The following GSTA4 variants were observed in gnomAD, a reference collection of about 807,000 sequenced individuals.
GSTA4 encodes the protein glutathione S-transferase A4.
A neutral mutation model predicts 24.4 loss-of-function variants in GSTA4; 15 were observed. That is an observed-to-expected ratio of 0.61 (90% CI 0.41 to 0.95). GSTA4 has a LOEUF of 0.95. Among genes scored for constraint, GSTA4 ranks in the 40% least tolerant of loss-of-function variants. The probability of loss-of-function intolerance (pLI) is 0.00; values close to 1 mark genes in which losing one functional copy is unlikely to be tolerated. For synonymous variants in GSTA4, 92 were observed against 94.2 expected, an observed-to-expected ratio of 0.98 and a Z score of 0.13; for missense variants, 244 against 262.1, an observed-to-expected ratio of 0.93 and a Z score of 0.48.
intron 2 of GSTA4, among the ~76,000 whole-genome samples, chr6:52,991,647 G>A (rs1322814875): frequency 2.0e-5 from 3 of 151,870 alleles, no homozygotes; most frequent in Admixed American, 6.6e-5. Flanking sequence ...TGGAGGGTAA[G>A]TAAACCAAAT....
At chr6:52,993,978 A>G (rs1179720843) in intron 2 of GSTA4, 179 bp downstream of exon 2, 1 of 691,664 alleles carries the variant, frequency 1.4e-6, no homozygotes, top group Admixed American at 2.0e-5. Context: ...ATAGAATTCC[A>G]TCAACTACGT....
chr6:52,979,231 GC>G (rs1763403755), intron 6 of GSTA4, among the ~76,000 whole-genome samples: 1 of 152,162 alleles, frequency 6.6e-6, no homozygotes, highest in South Asian at 2.1e-4. Flanking sequence ...TGATCAATTA[GC>G]TGTAAACACC....
chr6:52,991,557 T>C (rs1763661511), intron 2 of GSTA4, among the ~76,000 whole-genome samples: 1 of 152,194 alleles, frequency 6.6e-6, no homozygotes, highest in South Asian at 2.1e-4. Flanking sequence ...CAGCTAGTAA[T>C]TTATGGGAAG....
Position 52,995,160 on chromosome 6 carries a change from G to A in GSTA4, c.-19+89C>T, listed in dbSNP as rs1248756788. 2.0e-5 allele frequency: 3 copies of A among 152,992 alleles called. No homozygotes were observed. The East Asian group carries it at 5.8e-4, about 29-fold the overall frequency. The allele number at this position is 152,992 out of a possible 1,614,324, so 9.5% of individuals were successfully genotyped here. Reference sequence around the variant, plus strand: ...TGAACTGGGGGAGTGAGGGAAGAATGCGAGAGTGAGACTCAGAGAGTAAAG... The same window carrying A: ...TGAACTGGGGGAGTGAGGGAAGAATACGAGAGTGAGACTCAGAGAGTAAAG... On this transcript the variant is annotated intron_variant, in intron 1 of 6. Transcript: ENST00000370963.
chr6:52,983,186 G>C (rs979088277), intron 5 of GSTA4, among the ~76,000 whole-genome samples: 1 of 152,174 alleles, frequency 6.6e-6, no homozygotes, highest in African/African-American at 2.4e-5. Flanking sequence ...ACATCAAGAG[G>C]TGTAGTCATA....
intron 2 of GSTA4, 116 bp downstream of exon 2, chr6:52,994,041 T>A (rs779581788): frequency 2.6e-6 from 2 of 763,556 alleles, no homozygotes; most frequent in Non-Finnish European, 2.4e-6. Flanking sequence ...CAGTGAAGCG[T>A]GCCTGTGATT....
chr6:52,983,791 A>G (rs1383940607), intron 5 of GSTA4, among the ~76,000 whole-genome samples: 3 of 152,168 alleles, frequency 2.0e-5, no homozygotes, highest in African/African-American at 7.2e-5. Context: ...AAGATACCAT[A>G]AAACCTAGCT....
chr6:52,984,449 A>G lies in GSTA4; in HGVS notation c.414+15T>C. 1.2e-6 allele frequency: 2 copies of G among 1,608,968 alleles called. No individual in the cohort carries two copies. Among genetic ancestry groups the G allele is most frequent in the African/African-American group, 1.3e-5 (1 of 74,776 alleles). ...GTTTGGTTGCTCTGTGTATGTAGGC[A>G]TCTCTGCCACCTACCTTTTCAAACA... On this transcript the variant is annotated intron_variant, in intron 5 of 6. Coordinates refer to ENST00000370963, the MANE Select transcript of GSTA4 (RefSeq NM_001512.4).
intron 5 of GSTA4, among the ~76,000 whole-genome samples, chr6:52,984,119 T>C (rs1440136815): frequency 2.6e-5 from 4 of 152,228 alleles, no homozygotes; most frequent in Non-Finnish European, 5.9e-5. Flanking sequence ...ACAACTTTTG[T>C]TGAATGAATG....
intron 2 of GSTA4, among the ~76,000 whole-genome samples, chr6:52,988,247 CA>C (rs1763599770): frequency 6.6e-6 from 1 of 150,782 alleles, no homozygotes; most frequent in Non-Finnish European, 1.5e-5. Context: ...TTATAACACC[CA>C]ACAATAAAAT....
chr6:52,989,394 G>A (rs973281270), intron 2 of GSTA4, among the ~76,000 whole-genome samples: 3 of 152,172 alleles, frequency 2.0e-5, no homozygotes, highest in African/African-American at 7.2e-5. Context: ...CCCTCGGTTG[G>A]GGTCTGGATC....
intron 2 of GSTA4, among the ~76,000 whole-genome samples, chr6:52,993,565 T>C (rs961941201): frequency 6.6e-6 from 1 of 152,232 alleles, no homozygotes; most frequent in Admixed American, 6.5e-5. Context: ...TGAAATGTTA[T>C]GATGTTTGGA....
chr6:52,991,723 G>A (rs1248358928), intron 2 of GSTA4, among the ~76,000 whole-genome samples: 2 of 150,436 alleles, frequency 1.3e-5, no homozygotes, highest in Non-Finnish European at 3.0e-5. Context: ...AACAAACGTA[G>A]ACATCTAGCA....
intron 6 of GSTA4, among the ~76,000 whole-genome samples, chr6:52,981,731 C>T (rs977793155): frequency 6.6e-6 from 1 of 152,174 alleles, no homozygotes; most frequent in African/African-American, 2.4e-5. Context: ...CTAGATAAAA[C>T]TCAAGCATCC....
At chr6:52,982,780 A>G (rs1763476933) in intron 5 of GSTA4, 75 bp from the exon 6 acceptor site, 1 of 1,131,648 alleles carries the variant, frequency 8.8e-7, no homozygotes, top group Non-Finnish European at 1.3e-6. Context: ...TCAGTGCAGT[A>G]TCTGAGAAGA....
chr6:52,985,547 T>G lies in GSTA4; in HGVS notation c.176A>C (p.Glu59Ala). 6.2e-7 allele frequency: 1 copy of G among 1,614,068 alleles called. No individual in the cohort carries two copies. Among genetic ancestry groups the G allele is most frequent in the Non-Finnish European group, 8.5e-7 (1 of 1,179,900 alleles). Reference protein sequence around the residue: ...HLLFQQVPMVEIDGMKLVQTR... With the variant: ...HLLFQQVPMVAIDGMKLVQTR... The stretch of plus-strand genomic sequence containing the variant: ...CTGTACCAACTTCATCCCGTCAATT[T>G]CAACCATGGGCACTTGTTGGAACAG... The change falls in exon 4 of 7, where the codon GAA (glutamate) becomes GCA (alanine). Residue 59 changes from glutamate to alanine, a missense_variant. Glu to Ala is a moderately radical substitution (Grantham distance 107). Transcript: ENST00000370963.
chr6:52,983,570 C>T (rs1023434589), intron 5 of GSTA4, among the ~76,000 whole-genome samples: 3 of 152,228 alleles, frequency 2.0e-5, no homozygotes, highest in African/African-American at 7.2e-5. Flanking sequence ...TTGGACAGGT[C>T]ACTGAATCTC....
chr6:52,989,648 G>T (rs1763628513), intron 2 of GSTA4, among the ~76,000 whole-genome samples: 1 of 152,102 alleles, frequency 6.6e-6, no homozygotes, highest in African/African-American at 2.4e-5. Context: ...GCTCCCAGAG[G>T]ATCTCCATCT....
chr6:52,982,529 G>C, intron 6 of GSTA4, 45 bp downstream of exon 6: 2 of 1,486,258 alleles, frequency 1.3e-6, no homozygotes, highest in Non-Finnish European at 1.9e-6. Context: ...CTGAAGGAAG[G>C]CCCAAGAGTT....
Sources: allele counts gnomAD v4.1 joint callset (sites outside exome capture counted in the v4.1 genomes callset), GRCh38; gene constraint gnomAD v4.1.1; transcripts MANE v1.5; gene names NCBI Gene and HGNC (gene_info 2026-07-23, HGNC 2026-07-21).